The following CLSTN2 variants were observed in gnomAD, a reference collection of about 807,000 sequenced individuals.
CLSTN2 encodes calsyntenin-2.
A neutral mutation model predicts 101.2 loss-of-function variants in CLSTN2; 48 were observed. That is an observed-to-expected ratio of 0.47 (90% confidence interval 0.38 to 0.60). The LOEUF is 0.60. Ranked by LOEUF, CLSTN2 falls within the 20% of genes least tolerant of loss-of-function variation. The pLI, the probability that CLSTN2 is intolerant of heterozygous loss-of-function variation, is 0.00. For missense variants in CLSTN2, 1,160 were observed against 1,238.2 expected (o/e 0.94, Z 0.95); for synonymous variants, 481 against 463.6 (o/e 1.04, Z -0.48).
rs1251760532 is a variant in CLSTN2, at chr3:140,570,475, T to C, written c.*4222T>C. 6.6e-6 allele frequency: 1 copy of C among 152,184 alleles called. No individual in the cohort carries two copies. The highest frequency in any genetic ancestry group is 1.5e-5 in the Non-Finnish European group (1 of 68,018). The allele number at this position is 152,184 out of a possible 1,614,324, so 9.4% of individuals were successfully genotyped here. On this transcript the variant is annotated 3_prime_UTR_variant, in exon 17 of 17. Coordinates refer to ENST00000458420, the MANE Select transcript of CLSTN2 (RefSeq NM_022131.3). The stretch of plus-strand genomic sequence containing the variant: ...TACTATGCATTTTATATAAAGGAAT[T>C]GAACATCTGTGGATTTTGGTGTCCG...
intron 8 of CLSTN2, among the ~76,000 whole-genome samples, chr3:140,499,836 A>C (rs1032596734): frequency 6.6e-6 from 1 of 152,158 alleles, no homozygotes; most frequent in Non-Finnish European, 1.5e-5. Context: ...AGGCCAAGGC[A>C]GGCGGATCAC....
At chr3:140,470,775 C>G (rs1308944089) in intron 8 of CLSTN2, among the ~76,000 whole-genome samples, 1 of 152,184 alleles carries the variant, frequency 6.6e-6, no homozygotes. Context: ...AAATATAACT[C>G]ATGCGGGGCC....
intron 1 of CLSTN2, among the ~76,000 whole-genome samples, chr3:140,154,654 T>TG (rs1267349500): frequency 6.9e-5 from 10 of 144,028 alleles, no homozygotes; most frequent in African/African-American, 2.6e-4. Flanking sequence ...TTTTTTTTTT[T>TG]TTTTTTTTGA....
rs915095871 is a variant in CLSTN2 at position 140,571,547 on chromosome 3, G to C, written c.*5294G>C. ...CTCTGGCAGGCTATGAATGGTACAG[G>C]ATTCTGCATCTATATGAGACATTTA... On this transcript the variant is annotated 3_prime_UTR_variant, in exon 17 of 17. Coordinates refer to ENST00000458420, the MANE Select transcript of CLSTN2 (RefSeq NM_022131.3). The C allele has an allele frequency of 9.8e-5, 15 of 152,336 alleles. No homozygotes were observed. Among genetic ancestry groups the C allele is most frequent in the African/African-American group, 3.6e-4 (15 of 41,584 alleles). 9.4% of individuals were successfully genotyped at this position (152,336 alleles called of 1,614,324 possible).
chr3:140,140,275 T>C (rs2009677069), intron 1 of CLSTN2, among the ~76,000 whole-genome samples: 1 of 151,916 alleles, frequency 6.6e-6, no homozygotes, highest in East Asian at 1.9e-4. Context: ...AAGAAAGGGG[T>C]TTATTTTGGC....
chr3:140,126,340 A>C (rs1241648280), intron 1 of CLSTN2, among the ~76,000 whole-genome samples: 3 of 152,082 alleles, frequency 2.0e-5, no homozygotes, highest in African/African-American at 7.2e-5. Flanking sequence ...CTGGAGTTTG[A>C]GGATGAAAAA....
intron 2 of CLSTN2, among the ~76,000 whole-genome samples, chr3:140,320,032 G>A (rs1315539684): frequency 2.0e-5 from 3 of 152,202 alleles, no homozygotes; most frequent in African/African-American, 7.2e-5. Context: ...AGAGGCATTT[G>A]CATCTGAAGT....
intron 1 of CLSTN2, among the ~76,000 whole-genome samples, chr3:140,128,083 G>T (rs151021035): frequency 6.6e-6 from 1 of 152,178 alleles, no homozygotes; most frequent in African/African-American, 2.4e-5. Flanking sequence ...TTTAGGAACT[G>T]CCTGAAAATT....
At chr3:140,426,410 G>T (rs774688006) in intron 5 of CLSTN2, among the ~76,000 whole-genome samples, 2 of 152,206 alleles carry the variant, frequency 1.3e-5, no homozygotes, top group Non-Finnish European at 2.9e-5. Context: ...AGTTTGCTGA[G>T]GATAATGGTT....
At chr3:140,554,134 C>T (rs1156873845) in intron 10 of CLSTN2, among the ~76,000 whole-genome samples, 1 of 152,006 alleles carries the variant, frequency 6.6e-6, no homozygotes, top group African/African-American at 2.4e-5. Flanking sequence ...GAGAAAGGCA[C>T]CAAAGCGCAG....
intron 2 of CLSTN2, among the ~76,000 whole-genome samples, chr3:140,232,237 T>C (rs922553728): frequency 1.3e-5 from 2 of 152,200 alleles, no homozygotes; most frequent in Non-Finnish European, 1.5e-5. Context: ...AGATGTCAGA[T>C]TGCTATATCC....
chr3:140,100,499 C>T (rs571474915), intron 1 of CLSTN2, among the ~76,000 whole-genome samples: 1 of 152,228 alleles, frequency 6.6e-6, no homozygotes, highest in Non-Finnish European at 1.5e-5. Flanking sequence ...TCAAAAGATA[C>T]AAGGGAAGGA....
chr3:140,176,876 G>A (rs2010333306), intron 2 of CLSTN2, among the ~76,000 whole-genome samples: 2 of 152,208 alleles, frequency 1.3e-5, no homozygotes, highest in African/African-American at 4.8e-5. Context: ...CTAGAAGATT[G>A]TTTTATGATA....
At chr3:140,358,592 T>TTTC (rs2087697338) in intron 2 of CLSTN2, among the ~76,000 whole-genome samples, 17 of 152,224 alleles carry the variant, frequency 1.1e-4, no homozygotes, top group Admixed American at 9.8e-4. Flanking sequence ...ATCTTGCATA[T>TTTC]TTGAATCTCT....
At chr3:140,112,141 A>G (rs2009166784) in intron 1 of CLSTN2, among the ~76,000 whole-genome samples, 1 of 152,196 alleles carries the variant, frequency 6.6e-6, no homozygotes. Flanking sequence ...AATAGAACAC[A>G]CATTCATTTC....
chr3:139,970,234 T>C (rs1019914763), intron 1 of CLSTN2, among the ~76,000 whole-genome samples: 34 of 152,078 alleles, frequency 2.2e-4, no homozygotes, highest in Admixed American at 2.2e-3. Flanking sequence ...CCTGCCTGAG[T>C]AAGTAGGTTA....
rs1344396170 is a variant in CLSTN2, at chr3:140,193,309, C to T, written c.232+17236C>T. 4.3e-5 allele frequency among the ~76,000 whole-genome samples: 6 copies of T among 138,414 alleles called. No homozygotes were observed. In the East Asian group the frequency reaches 1.2e-3, roughly 29 times the overall value. 90.8% of individuals were successfully genotyped at this position (138,414 alleles called of 152,430 possible). Reference sequence around the variant, plus strand: ...GGTTTTGAACACTTCCTTTAACCACCTTTCTTTCAGAATAGGCCTGCTGGT... The same window carrying T: ...GGTTTTGAACACTTCCTTTAACCACTTTTCTTTCAGAATAGGCCTGCTGGT... On this transcript the variant is annotated intron_variant, in intron 2 of 16. Transcript: ENST00000458420.
chr3:140,062,781 A>C (rs916941833), intron 1 of CLSTN2, among the ~76,000 whole-genome samples: 1 of 152,084 alleles, frequency 6.6e-6, no homozygotes, highest in Non-Finnish European at 1.5e-5. Flanking sequence ...ACCTTGAGTG[A>C]ATCACATCTC....
intron 1 of CLSTN2, among the ~76,000 whole-genome samples, chr3:139,942,805 A>G (rs1261018251): frequency 3.9e-5 from 6 of 152,188 alleles, no homozygotes; most frequent in African/African-American, 7.2e-5. Context: ...GTGGTGAGCT[A>G]GGTGACATCT....
Sources: gnomAD v4.1 joint callset for allele counts (sites outside exome capture counted in the v4.1 genomes callset) on GRCh38, gnomAD v4.1.1 for gene constraint, MANE v1.5 for transcripts, NCBI Gene and HGNC (gene_info 2026-07-23, HGNC 2026-07-21) for gene names.